The following NKAIN3 variants were observed in gnomAD, a reference collection of about 807,000 sequenced individuals.
The protein encoded by NKAIN3 is sodium/potassium transporting ATPase interacting 3.
In NKAIN3, 25 loss-of-function variants were observed where a neutral mutation model predicts 30.2. The ratio of observed to expected loss-of-function variants is 0.83; its 90% CI spans 0.60 to 1.16. The LOEUF (loss-of-function observed/expected upper bound fraction) is 1.16, where lower values mean the gene tolerates loss of function less well. NKAIN3 is among the 50% of genes most tolerant of loss of function. The probability of loss-of-function intolerance (pLI) is 0.00; values close to 1 mark genes in which losing one functional copy is unlikely to be tolerated. For missense variants in NKAIN3, 225 were observed against 254.1 expected (o/e 0.89, Z 0.78); for synonymous variants, 91 against 89.6 (o/e 1.02, Z -0.09).
At position 62,972,849 on chromosome 8, in the gene NKAIN3, T is replaced by G. The variant is rs536009778; in HGVS notation, c.*7442T>G. Among the ~76,000 whole-genome samples, 30 of 151,830 alleles carry G rather than the reference T, an allele frequency of 2.0e-4. No homozygotes were observed. The highest frequency in any genetic ancestry group is 3.9e-4 in the Admixed American group (6 of 15,224). ...TTGTCCCCCACTCCCCAACAGGCCC[T>G]GGTGTGTGATGTTCCCCTCCCTGTG... On this transcript the variant is annotated 3_prime_UTR_variant, in exon 7 of 7. Transcript: ENST00000623646.
At chr8:62,694,083 T>C (rs558543551) in intron 3 of NKAIN3, among the ~76,000 whole-genome samples, 1 of 152,326 alleles carries the variant, frequency 6.6e-6, no homozygotes, top group African/African-American at 2.4e-5. Flanking sequence ...TTCTTTGTAT[T>C]GGGAACATTC....
chr8:62,497,193 A>G (rs1807268980), intron 1 of NKAIN3, among the ~76,000 whole-genome samples: 1 of 150,574 alleles, frequency 6.6e-6, no homozygotes, highest in Non-Finnish European at 1.5e-5. Context: ...TTTAATTGCT[A>G]TTAGAAAAAA....
chr8:62,800,899 G>A (rs1438606863), intron 4 of NKAIN3, among the ~76,000 whole-genome samples: 1 of 152,166 alleles, frequency 6.6e-6, no homozygotes, highest in South Asian at 2.1e-4. Flanking sequence ...TGGAAAATCG[G>A]GTCACTCCCA....
At chr8:62,311,273 G>T (rs547319971) in intron 1 of NKAIN3, among the ~76,000 whole-genome samples, 2 of 150,432 alleles carry the variant, frequency 1.3e-5, no homozygotes, top group South Asian at 4.2e-4. Context: ...AGCAGAGACG[G>T]GTACTGGGTA....
chr8:62,514,676 A>C (rs1245331354), intron 1 of NKAIN3, among the ~76,000 whole-genome samples: 1 of 152,104 alleles, frequency 6.6e-6, no homozygotes, highest in South Asian at 2.1e-4. Context: ...TGAATAAATA[A>C]TTCATGTGTT....
intron 4 of NKAIN3, among the ~76,000 whole-genome samples, chr8:62,783,879 A>G (rs1166621125): frequency 6.6e-6 from 1 of 152,022 alleles, no homozygotes; most frequent in East Asian, 1.9e-4. Context: ...TCCTGAGCTC[A>G]AGTGATCCAC....
chr8:62,875,011 G>A (rs1034420351), intron 4 of NKAIN3, among the ~76,000 whole-genome samples: 3 of 152,134 alleles, frequency 2.0e-5, no homozygotes, highest in Non-Finnish European at 4.4e-5. Context: ...CAAATAGGAA[G>A]GGAGGAAGTC....
chr8:62,517,995 A>G (rs1166065407), intron 1 of NKAIN3, among the ~76,000 whole-genome samples: 1 of 152,138 alleles, frequency 6.6e-6, no homozygotes, highest in Non-Finnish European at 1.5e-5. Context: ...TGCCATGACT[A>G]TAGTCATATT....
intron 2 of NKAIN3, among the ~76,000 whole-genome samples, chr8:62,587,776 G>T (rs894779109): frequency 1.3e-5 from 2 of 151,928 alleles, no homozygotes; most frequent in Admixed American, 6.6e-5. Context: ...CCCTTTTATT[G>T]TCAAAAACGT....
intron 1 of NKAIN3, among the ~76,000 whole-genome samples, chr8:62,340,442 A>T (rs1326238404): frequency 1.3e-5 from 2 of 151,920 alleles, no homozygotes; most frequent in African/African-American, 2.4e-5. Flanking sequence ...AAGGAATTCT[A>T]GTTTTTATGG....
intron 3 of NKAIN3, among the ~76,000 whole-genome samples, chr8:62,619,261 GA>G (rs1484931340): frequency 6.6e-6 from 1 of 152,122 alleles, no homozygotes; most frequent in Non-Finnish European, 1.5e-5. Context: ...CTTCTGTTTT[GA>G]AATTCAGGAA....
At chr8:62,661,097 G>C (rs529622909) in intron 3 of NKAIN3, among the ~76,000 whole-genome samples, 63 of 152,192 alleles carry the variant, frequency 4.1e-4, no homozygotes, top group Non-Finnish European at 6.3e-4. Flanking sequence ...AGAGTCAATA[G>C]AGAAACATAC....
rs914024567 is a variant in NKAIN3, at chr8:62,966,685, C to T, written c.*1278C>T. The stretch of plus-strand genomic sequence containing the variant: ...TAAAATATATACACTTTTCACATCA[C>T]TTTTGCCCACACTTCTCAATCACTA... On this transcript the variant is annotated 3_prime_UTR_variant, in exon 7 of 7. Coordinates refer to ENST00000623646, the MANE Select transcript of NKAIN3 (RefSeq NM_001304533.3). 6.6e-6 allele frequency among the ~76,000 whole-genome samples: 1 copy of T among 152,178 alleles called. No homozygotes were observed. Among genetic ancestry groups the T allele is most frequent in the Non-Finnish European group, 1.5e-5 (1 of 68,028 alleles).
chr8:62,249,162 TC>T, intron 1 of NKAIN3, 35 bp downstream of exon 1: 1 of 1,505,256 alleles, frequency 6.6e-7, no homozygotes, highest in Non-Finnish European at 8.9e-7. Flanking sequence ...CCAGGACAGG[TC>T]CCTGCTCCAG....
intron 1 of NKAIN3, among the ~76,000 whole-genome samples, chr8:62,466,222 A>G (rs1373757857): frequency 6.6e-6 from 1 of 152,162 alleles, no homozygotes; most frequent in African/African-American, 2.4e-5. Flanking sequence ...AATTTGAAAA[A>G]GCAAGTCAAT....
chr8:62,507,378 G>C (rs1807676362), intron 1 of NKAIN3, among the ~76,000 whole-genome samples: 1 of 152,150 alleles, frequency 6.6e-6, no homozygotes, highest in African/African-American at 2.4e-5. Flanking sequence ...CTCATTAAAT[G>C]TTTATTATTT....
At chr8:62,313,793 AC>A (rs1814527179) in intron 1 of NKAIN3, among the ~76,000 whole-genome samples, 1 of 152,170 alleles carries the variant, frequency 6.6e-6, no homozygotes, top group Non-Finnish European at 1.5e-5. Flanking sequence ...TTCACAAGGC[AC>A]TAAGTTCACA....
chr8:62,640,649 G>A (rs374412015), intron 3 of NKAIN3, among the ~76,000 whole-genome samples: 1 of 152,038 alleles, frequency 6.6e-6, no homozygotes, highest in African/African-American at 2.4e-5. Context: ...ATTAAAAGAG[G>A]TATTCATAGA....
At chr8:62,294,137 C>T (rs537053035) in intron 1 of NKAIN3, among the ~76,000 whole-genome samples, 126 of 152,286 alleles carry the variant, frequency 8.3e-4, no homozygotes, top group Non-Finnish European at 1.4e-3. Context: ...CCGTCTGTCA[C>T]GGCTTCTCTT....
Sources: allele counts gnomAD v4.1 joint callset (sites outside exome capture counted in the v4.1 genomes callset), GRCh38; gene constraint gnomAD v4.1.1; transcripts MANE v1.5; gene names NCBI Gene and HGNC (gene_info 2026-07-23, HGNC 2026-07-21).